Variants in ZNF555 observed in about 807,000 individuals in gnomAD.
ZNF555 encodes zinc finger protein 555.
Under a neutral mutation model 14.0 loss-of-function variants are expected in ZNF555, and 10 were observed. That is an observed-to-expected ratio of 0.72 (90% CI 0.44 to 1.21). The LOEUF (loss-of-function observed/expected upper bound fraction) is 1.21. ZNF555 is among the 50% of genes most tolerant of loss of function. The pLI, the probability that ZNF555 is intolerant of heterozygous loss-of-function variation, is 0.00. For synonymous variants in ZNF555, 277 were observed against 262.4 expected, an observed-to-expected ratio of 1.06 and a Z score of -0.54; for missense variants, 747 against 762.0, an observed-to-expected ratio of 0.98 and a Z score of 0.23.
chr19:2,850,851 A>G lies in ZNF555; in HGVS notation c.130+138A>G, dbSNP rs559436083. 5.5e-5 allele frequency: 59 copies of G among 1,075,642 alleles called. No individual in the cohort carries two copies. In the African/African-American group the frequency reaches 8.6e-4, roughly 16 times the overall value. 66.6% of individuals were successfully genotyped at this position (1,075,642 alleles called of 1,614,324 possible). The stretch of plus-strand genomic sequence containing the variant: ...AGACAGACATAGTCACAGCTGTCAT[A>G]GAGCTAGAATGTAATGTTTTTCCAT... On this transcript the variant is annotated intron_variant, in intron 2 of 3. Transcript: ENST00000334241.
chr19:2,850,923 T>G (rs937132456), intron 2 of ZNF555, among the ~76,000 whole-genome samples: 2 of 152,090 alleles, frequency 1.3e-5, no homozygotes, highest in Non-Finnish European at 2.9e-5. Context: ...TAGAGAAAGC[T>G]CCCTTCATGT....
rs1015370718 is a variant in ZNF555 at position 2,855,977 on chromosome 19, C to T, written c.*2025C>T. The T allele has an allele frequency of 3.3e-5, 5 of 151,986 alleles. No homozygotes were observed. Among genetic ancestry groups the T allele is most frequent in the South Asian group, 2.1e-4 (1 of 4,816 alleles). The allele number at this position is 151,986 out of a possible 1,614,324, so 9.4% of individuals were successfully genotyped here. On this transcript the variant is annotated 3_prime_UTR_variant, in exon 4 of 4. Transcript: ENST00000334241. ...TCTCTTTTCGCATACTGAGGCACCG[C>T]GAATTAAGATTTCAACGTAAAAATT...
At chr19:2,845,309 A>T (rs1292338213) in intron 1 of ZNF555, among the ~76,000 whole-genome samples, 1 of 152,144 alleles carries the variant, frequency 6.6e-6, no homozygotes, top group African/African-American at 2.4e-5. Context: ...GTTCTTTTTT[A>T]TGGCTGTGTA....
At position 2,850,625 on chromosome 19, in the gene ZNF555, C is replaced by T; in HGVS notation, c.42C>T (p.Thr14=). 1.2e-6 allele frequency: 2 copies of T among 1,613,914 alleles called. No individual in the cohort carries two copies. The highest frequency in any genetic ancestry group is 1.7e-6 in the Non-Finnish European group (2 of 1,179,896). ...TTGAGGATGTGGCTGTGGACTTCAC[C>T]CTGGAGGAGTGGGCTTTGCTGGATT... ...VVFEDVAVDF[T]LEEWALLDSA... The change falls in exon 2 of 4, where the codon ACC becomes ACT. Residue 14 remains threonine (T), a synonymous_variant. Transcript: ENST00000334241.
intron 1 of ZNF555, 63 bp downstream of exon 1, chr19:2,841,638 C>G: frequency 3.5e-6 from 5 of 1,446,642 alleles, no homozygotes; most frequent in South Asian, 2.8e-5. Flanking sequence ...CGCCCGAGAC[C>G]GCGGCTTGGG....
Position 2,853,854 on chromosome 19 carries a change from G to A in ZNF555, c.1789G>A (p.Gly597Arg). Residue 597 changes from glycine to arginine, a missense_variant, in exon 4 of 4, where the codon GGA becomes AGA. Coordinates refer to ENST00000334241, the MANE Select transcript of ZNF555 (RefSeq NM_152791.5). ...AGAAAAACAGTATAAGTGTAATGTA[G>A]GACATCCTCCTGCAAATGAATTCAT... The part of the protein sequence containing the change: ...TTEKQYKCNV[G>R]HPPANEFMCS... 1 of 1,613,972 alleles carries A rather than the reference G, an allele frequency of 6.2e-7. No individual in the cohort carries two copies.
In ZNF555 at chr19:2,853,248, C is replaced by A; in HGVS notation, c.1183C>A (p.Pro395Thr). The change falls in exon 4 of 4, where the codon CCC becomes ACC. Residue 395 changes from proline (P) to threonine (T), a missense_variant. Coordinates refer to ENST00000334241, the MANE Select transcript of ZNF555 (RefSeq NM_152791.5). ...TGAAAGGACTCATGGTGGAGAGAAA[C>A]CCTATGAATGCAACCAGTGCGGGAA... ...RHERTHGGEK[P>T]YECNQCGKAF... is the part of the protein sequence containing the mutation. The A allele has an allele frequency of 1.2e-6, 2 of 1,614,072 alleles. No individual in the cohort carries two copies. The highest frequency in any genetic ancestry group is 2.2e-5 in the South Asian group (2 of 91,076).
At chr19:2,841,600 C>T (rs2087536257) in intron 1 of ZNF555, 25 bp downstream of exon 1, 1 of 1,518,992 alleles carries the variant, frequency 6.6e-7, no homozygotes, top group Non-Finnish European at 8.8e-7. Context: ...GGAGAGGATC[C>T]CGGTGCGGGG....
Position 2,854,045 on chromosome 19 carries a change from C to A in ZNF555, c.*93C>A. ...TGAAAAATAATTCTCCAAATACTCT[C>A]AGCTATCCTACATGAATTTGAACAG... On this transcript the variant is annotated 3_prime_UTR_variant, in exon 4 of 4. Coordinates refer to ENST00000334241, the MANE Select transcript of ZNF555 (RefSeq NM_152791.5). The A allele has an allele frequency of 6.8e-7, 1 of 1,464,192 alleles. No individual in the cohort carries two copies. The highest frequency in any genetic ancestry group is 1.3e-5 in the South Asian group (1 of 78,356). The allele number at this position is 1,464,192 out of a possible 1,614,324, so 90.7% of individuals were successfully genotyped here.
At chr19:2,842,966 G>T (rs2087550806) in intron 1 of ZNF555, among the ~76,000 whole-genome samples, 1 of 151,714 alleles carries the variant, frequency 6.6e-6, no homozygotes, top group African/African-American at 2.4e-5. Context: ...TCACTTGAAC[G>T]CAGAAGGCGG....
In ZNF555 at chr19:2,856,015, A is replaced by G. The variant is rs1487634348; in HGVS notation, c.*2063A>G. On this transcript the variant is annotated 3_prime_UTR_variant, in exon 4 of 4. Coordinates refer to ENST00000334241, the MANE Select transcript of ZNF555 (RefSeq NM_152791.5). ...CAACGTAAAAATTTTAGGAGACCCA[A>G]TTCAACCCATAACACTAAGAAATGT... 2 of 152,206 alleles carry G rather than the reference A, an allele frequency of 1.3e-5. No individual in the cohort carries two copies. The highest frequency in any genetic ancestry group is 4.8e-5 in the African/African-American group (2 of 41,460). 9.4% of individuals were successfully genotyped at this position (152,206 alleles called of 1,614,324 possible). A position where few individuals can be genotyped will look rare whatever the true frequency, so the allele number is the denominator to read the frequency against.
rs1324399403 is a variant in ZNF555, at chr19:2,857,642, T to C, written c.*3690T>C. 1.3e-5 allele frequency: 2 copies of C among 152,212 alleles called. No individual in the cohort carries two copies. The highest frequency in any genetic ancestry group is 2.4e-5 in the African/African-American group (1 of 41,448). 9.4% of individuals were successfully genotyped at this position (152,212 alleles called of 1,614,324 possible). ...TCTTAAAATAGCAAATTTTGTTGTA[T>C]GTATATTTTAAAGTTAAACAATAAA... On this transcript the variant is annotated 3_prime_UTR_variant, in exon 4 of 4. Coordinates refer to ENST00000334241, the MANE Select transcript of ZNF555 (RefSeq NM_152791.5).
chr19:2,843,365 C>G (rs937112142), intron 1 of ZNF555, among the ~76,000 whole-genome samples: 10 of 152,072 alleles, frequency 6.6e-5, no homozygotes, highest in African/African-American at 2.4e-4. Context: ...GGGTCTCATT[C>G]TGTTACCCAG....
chr19:2,849,246 A>G (rs1303177362), intron 1 of ZNF555, among the ~76,000 whole-genome samples: 1 of 151,798 alleles, frequency 6.6e-6, no homozygotes, highest in Admixed American at 6.6e-5. Flanking sequence ...CGGGGGTTCC[A>G]TGCACCTGTG....
In ZNF555 at chr19:2,852,817, C is replaced by A. The variant is rs762454638; in HGVS notation, c.752C>A (p.Thr251Asn). ...CTTACTAGTCATCTCAGAAGTCACA[C>A]CGGAGAGAAGCCATATAAGTGTAAG... ...SSLTSHLRSH[T>N]GEKPYKCKEC... The change falls in exon 4 of 4, where the codon ACC becomes AAC. Residue 251 changes from threonine (T) to asparagine (N), a missense_variant. Transcript: ENST00000334241. 6.2e-7 allele frequency: 1 copy of A among 1,614,172 alleles called. No homozygotes were observed.
chr19:2,853,012 A>C lies in ZNF555; in HGVS notation c.947A>C (p.Glu316Ala). Reference sequence around the variant, plus strand: ...GGAGAGAAGCCACATAAATGTAAAGAATGTGGGGAGGCCTTCAGTTATTCT... The same window carrying C: ...GGAGAGAAGCCACATAAATGTAAAGCATGTGGGGAGGCCTTCAGTTATTCT... ...HTGEKPHKCK[E>A]CGEAFSYSSA... The change falls in exon 4 of 4, where the codon GAA becomes GCA. Residue 316 changes from glutamate (E) to alanine (A), a missense_variant. Transcript: ENST00000334241. The C allele has an allele frequency of 6.2e-7, 1 of 1,614,226 alleles. No individual in the cohort carries two copies. The highest frequency in any genetic ancestry group is 8.5e-7 in the Non-Finnish European group (1 of 1,180,052).
chr19:2,848,119 G>A (rs1378146183), intron 1 of ZNF555, among the ~76,000 whole-genome samples: 2 of 151,066 alleles, frequency 1.3e-5, no homozygotes, highest in African/African-American at 2.4e-5. Context: ...ACCTGGAGAA[G>A]AAAACAAAAA....
In ZNF555 at chr19:2,853,080, C is replaced by T; in HGVS notation, c.1015C>T (p.Pro339Ser). The change falls in exon 4 of 4, where the codon CCC (proline) becomes TCC (serine). Residue 339 changes from proline to serine, a missense_variant. Coordinates refer to ENST00000334241, the MANE Select transcript of ZNF555 (RefSeq NM_152791.5). ...CATGATAACACACACTGGAGAGAAA[C>T]CCTACGAATGCAAACAATGTGGGAA... ...RHMITHTGEK[P>S]YECKQCGKTF... 1 of 1,614,146 alleles carries T rather than the reference C, an allele frequency of 6.2e-7. No individual in the cohort carries two copies. The highest frequency in any genetic ancestry group is 8.5e-7 in the Non-Finnish European group (1 of 1,180,020).
intron 1 of ZNF555, among the ~76,000 whole-genome samples, chr19:2,850,338 T>C (rs957340367): frequency 2.0e-5 from 3 of 152,218 alleles, no homozygotes. Flanking sequence ...GTGGTCTGAA[T>C]CCTTTTGATA....
Sources: allele counts gnomAD v4.1 joint callset (sites outside exome capture counted in the v4.1 genomes callset), GRCh38; gene constraint gnomAD v4.1.1; transcripts MANE v1.5; gene names NCBI Gene and HGNC (gene_info 2026-07-23, HGNC 2026-07-21).